The following ST8SIA2 variants were observed in gnomAD, a reference collection of about 807,000 sequenced individuals.
ST8SIA2 encodes the protein alpha-2,8-sialyltransferase 8B.
In ST8SIA2, 22 loss-of-function variants were observed where a neutral mutation model predicts 37.6. The ratio of observed to expected loss-of-function variants is 0.58; its 90% CI spans 0.42 to 0.83. The LOEUF is 0.83. Ranked by LOEUF, ST8SIA2 falls within the 40% of genes least tolerant of loss-of-function variation. The pLI is 0.00. For synonymous variants in ST8SIA2, 205 were observed against 201.2 expected (o/e 1.02, Z -0.16); for missense variants, 382 against 484.7 (o/e 0.79, Z 1.99).
intron 5 of ST8SIA2, among the ~76,000 whole-genome samples, chr15:92,453,823 C>G (rs936712329): frequency 6.6e-6 from 1 of 152,168 alleles, no homozygotes; most frequent in Admixed American, 6.5e-5. Context: ...ATAAAAAAGT[C>G]AATAGAACAA....
chr15:92,455,872 C>T (rs1035348229), intron 5 of ST8SIA2, among the ~76,000 whole-genome samples: 2 of 152,206 alleles, frequency 1.3e-5, no homozygotes, highest in African/African-American at 4.8e-5. Context: ...ATATCCTCAC[C>T]TACAATTATG....
intron 3 of ST8SIA2, 22 bp from the exon 4 acceptor site, chr15:92,438,331 C>T: frequency 1.2e-6 from 2 of 1,614,186 alleles, no homozygotes; most frequent in Non-Finnish European, 8.5e-7. Context: ...AGAATTTCCT[C>T]ACGCATGTTT....
At chr15:92,418,380 T>G (rs2049603691) in intron 1 of ST8SIA2, among the ~76,000 whole-genome samples, 1 of 148,160 alleles carries the variant, frequency 6.7e-6, no homozygotes, top group South Asian at 2.1e-4. Flanking sequence ...GAGAATCAGC[T>G]GAGCCCGGGA....
chr15:92,443,190 T>C (rs1278329726), intron 4 of ST8SIA2, among the ~76,000 whole-genome samples: 2 of 152,234 alleles, frequency 1.3e-5, no homozygotes, highest in Admixed American at 1.3e-4. Flanking sequence ...TGTCTTCATG[T>C]CTCCAGCCTC....
At chr15:92,446,224 G>A (rs1596246394) in intron 5 of ST8SIA2, among the ~76,000 whole-genome samples, 1 of 152,160 alleles carries the variant, frequency 6.6e-6, no homozygotes, top group African/African-American at 2.4e-5. Context: ...CTCTCTTTAT[G>A]TTATATTAGG....
intron 1 of ST8SIA2, chr15:92,417,675 A>G (rs2049597970): frequency 6.6e-6 from 1 of 152,200 alleles, no homozygotes; most frequent in African/African-American, 2.4e-5. Flanking sequence ...TGTGTAGTAT[A>G]TTTCTCCTAC....
At chr15:92,452,706 C>G (rs1029714162) in intron 5 of ST8SIA2, among the ~76,000 whole-genome samples, 6 of 152,190 alleles carry the variant, frequency 3.9e-5, no homozygotes, top group African/African-American at 1.4e-4. Context: ...CATTTCACAT[C>G]TGGACGTAAG....
intron 5 of ST8SIA2, among the ~76,000 whole-genome samples, chr15:92,445,433 T>G (rs2049835386): frequency 6.6e-6 from 1 of 152,242 alleles, no homozygotes; most frequent in African/African-American, 2.4e-5. Context: ...AAATGCGTAG[T>G]AAAATTGCGG....
intron 5 of ST8SIA2, among the ~76,000 whole-genome samples, chr15:92,461,325 C>A (rs1425624441): frequency 3.3e-5 from 5 of 151,808 alleles, no homozygotes; most frequent in Non-Finnish European, 7.4e-5. Flanking sequence ...CCCCTGGAAT[C>A]ACAAATATAA....
At chr15:92,414,583 G>A (rs750468011) in intron 1 of ST8SIA2, among the ~76,000 whole-genome samples, 11 of 152,210 alleles carry the variant, frequency 7.2e-5, no homozygotes, top group Admixed American at 2.0e-4. Flanking sequence ...GAAAAATGCC[G>A]AACTCATAGG....
At chr15:92,430,805 A>G (rs571480214) in intron 2 of ST8SIA2, among the ~76,000 whole-genome samples, 52 of 152,284 alleles carry the variant, frequency 3.4e-4, no homozygotes, top group African/African-American at 1.2e-3. Flanking sequence ...AGGAAGTGCC[A>G]AGTTATATGA....
chr15:92,455,220 C>T (rs912956918), intron 5 of ST8SIA2, among the ~76,000 whole-genome samples: 1 of 152,104 alleles, frequency 6.6e-6, no homozygotes, highest in African/African-American at 2.4e-5. Context: ...CTGTGCTGGT[C>T]CCAGTCTCCT....
chr15:92,416,889 T>C (rs2049591155), intron 1 of ST8SIA2, among the ~76,000 whole-genome samples: 1 of 152,208 alleles, frequency 6.6e-6, no homozygotes. Context: ...AGCAGGTGCC[T>C]GTTCTACCAC....
Position 92,438,335 on chromosome 15 carries a change from C to T in ST8SIA2, c.291-18C>T. 1 of 1,614,154 alleles carries T rather than the reference C, an allele frequency of 6.2e-7. No homozygotes were observed. Among genetic ancestry groups the T allele is most frequent in the Non-Finnish European group, 8.5e-7 (1 of 1,180,020 alleles). On this transcript the variant is annotated intron_variant, in intron 3 of 5. Transcript: ENST00000268164. ...TGGCACCCTGGAGAATTTCCTCACG[C>T]ATGTTTGGTTTTCACAGGAAGCAGA...
At chr15:92,460,915 G>A (rs2049952641) in intron 5 of ST8SIA2, among the ~76,000 whole-genome samples, 1 of 152,154 alleles carries the variant, frequency 6.6e-6, no homozygotes, top group Non-Finnish European at 1.5e-5. Context: ...GTGTGGGCCT[G>A]AGTCGAGGAC....
intron 1 of ST8SIA2, among the ~76,000 whole-genome samples, chr15:92,395,283 C>A (rs553090875): frequency 6.6e-6 from 1 of 152,352 alleles, no homozygotes; most frequent in Admixed American, 6.5e-5. Context: ...GAGTCCCGCG[C>A]CGCGTGCGCC....
At position 92,394,137 on chromosome 15, in the gene ST8SIA2, A is replaced by G; in HGVS notation, c.73A>G (p.Ile25Val). Residue 25 changes from isoleucine to valine, a missense_variant, in exon 1 of 6, where the codon ATC becomes GTC. Physicochemically the swap from Ile to Val is conservative, Grantham distance 29. Transcript: ENST00000268164. ...LLVVFLIFAD[I>V]SEIEEEIGNS... ...CGTGGTCTTCCTCATCTTCGCAGAC[A>G]TCTCAGAGATCGAAGAAGAAATCGG... The G allele has an allele frequency of 1.3e-6, 2 of 1,558,960 alleles. No homozygotes were observed. The highest frequency in any genetic ancestry group is 1.7e-6 in the Non-Finnish European group (2 of 1,150,348).
At chr15:92,448,408 G>C (rs1165163999) in intron 5 of ST8SIA2, among the ~76,000 whole-genome samples, 1 of 152,232 alleles carries the variant, frequency 6.6e-6, no homozygotes, top group African/African-American at 2.4e-5. Context: ...GCAAGTGGAG[G>C]AATGGGCTGG....
chr15:92,406,060 C>G (rs1400059137), intron 1 of ST8SIA2, among the ~76,000 whole-genome samples: 2 of 152,104 alleles, frequency 1.3e-5, no homozygotes, highest in Non-Finnish European at 2.9e-5. Flanking sequence ...AGAAAAGAGT[C>G]CGAGATACTG....
Sources: allele counts gnomAD v4.1 joint callset (sites outside exome capture counted in the v4.1 genomes callset), GRCh38; gene constraint gnomAD v4.1.1; transcripts MANE v1.5; gene names NCBI Gene and HGNC (gene_info 2026-07-23, HGNC 2026-07-21).